RAD50: variants seen among roughly 807,000 people sequenced by gnomAD.
The protein encoded by RAD50 is DNA repair protein RAD50.
Under a neutral mutation model 168.8 loss-of-function variants are expected in RAD50, and 132 were observed. That is an observed-to-expected ratio of 0.78 (90% CI 0.68 to 0.90). RAD50 has a LOEUF of 0.90. Among genes scored for constraint, RAD50 ranks in the 40% least tolerant of loss-of-function variants. RAD50 has a pLI of 0.00. For missense variants in RAD50, 1,347 were observed against 1,534.4 expected (o/e 0.88, Z 2.04); for synonymous variants, 525 against 497.4 (o/e 1.06, Z -0.74).
At chr5:132,621,061 C>T (rs1751275628) in intron 21 of RAD50, among the ~76,000 whole-genome samples, 1 of 151,884 alleles carries the variant, frequency 6.6e-6, no homozygotes, top group Non-Finnish European at 1.5e-5. Context: ...GTTCAAGGAT[C>T]GGTTGTATTC....
Position 132,606,037 on chromosome 5 carries a change from G to A in RAD50, c.2718+1038G>A, listed in dbSNP as rs1010449157. Among the ~76,000 whole-genome samples, 34 of 152,104 alleles carry A rather than the reference G, an allele frequency of 2.2e-4. 1 individual carries two copies. The highest frequency in any genetic ancestry group is 7.7e-4 in the African/African-American group (32 of 41,500). On this transcript the variant is annotated intron_variant, in intron 16 of 24. Transcript: ENST00000378823. ...CCACAAGAGAAAGCAGGAAATAACTGAATTCAACACCTTAACATCAAAATT... is the reference window on the plus strand; with the variant it reads ...CCACAAGAGAAAGCAGGAAATAACTAAATTCAACACCTTAACATCAAAATT...
At chr5:132,594,605 C>G (rs1750756204) in intron 11 of RAD50, among the ~76,000 whole-genome samples, 1 of 152,140 alleles carries the variant, frequency 6.6e-6, no homozygotes, top group Non-Finnish European at 1.5e-5. Context: ...GATCAAAGAC[C>G]ATGAACCCCC....
chr5:132,581,847 A>C (rs1222166927), intron 5 of RAD50, among the ~76,000 whole-genome samples: 2 of 152,114 alleles, frequency 1.3e-5, no homozygotes. Context: ...AATTACCAAG[A>C]TATTAGAACA....
chr5:132,611,412 A>C (rs960351042), intron 19 of RAD50, among the ~76,000 whole-genome samples: 2 of 150,516 alleles, frequency 1.3e-5, no homozygotes, highest in African/African-American at 4.9e-5. Context: ...ACAAACAAAC[A>C]GAAACAAAAA....
intron 13 of RAD50, among the ~76,000 whole-genome samples, chr5:132,598,387 CGTT>C (rs1186381097): frequency 6.6e-6 from 1 of 152,160 alleles, no homozygotes; most frequent in African/African-American, 2.4e-5. Context: ...ATGTCTTACT[CGTT>C]GTATCTCCAC....
intron 2 of RAD50, among the ~76,000 whole-genome samples, chr5:132,564,801 C>T (rs1290445515): frequency 6.6e-6 from 1 of 151,994 alleles, no homozygotes; most frequent in Non-Finnish European, 1.5e-5. Flanking sequence ...TCAGCCACTC[C>T]AGCTCCAGCC....
intron 12 of RAD50, 66 bp downstream of exon 12, chr5:132,595,110 G>A (rs1750767421): frequency 6.7e-7 from 1 of 1,500,338 alleles, no homozygotes; most frequent in African/African-American, 1.4e-5. Context: ...ACAGGTAACT[G>A]TTAAGGATGG....
Position 132,644,541 on chromosome 5 carries a change from CATT to C in RAD50, c.*2181_*2183del, listed in dbSNP as rs1428090056. ...TAGGGTTGTTATGAAGATTGAATGA[CATT>C]ATTTACAAACTGCTTAGAACTGCTT... is the stretch of plus-strand genomic sequence containing the variant. On this transcript the variant is annotated 3_prime_UTR_variant, in exon 25 of 25. Transcript: ENST00000378823. 1.4e-4 allele frequency: 26 copies of C among 182,332 alleles called. No individual in the cohort carries two copies. The highest frequency in any genetic ancestry group is 4.9e-4 in the African/African-American group (21 of 42,602). The allele number at this position is 182,332 out of a possible 1,614,324, so 11.3% of individuals were successfully genotyped here. A position where few individuals can be genotyped will look rare whatever the true frequency, so the allele number is the denominator to read the frequency against.
chr5:132,625,904 C>CTTT (rs1263606191), intron 21 of RAD50, among the ~76,000 whole-genome samples: 1 of 145,570 alleles, frequency 6.9e-6, no homozygotes, highest in Non-Finnish European at 1.5e-5. Context: ...ATATGAACAA[C>CTTT]TTTTTTTTTT....
At chr5:132,639,340 C>T (rs949946487) in intron 23 of RAD50, among the ~76,000 whole-genome samples, 6 of 132,368 alleles carry the variant, frequency 4.5e-5, no homozygotes, top group South Asian at 2.3e-4. Context: ...GCAACAAGAG[C>T]GAAACTCCGT....
Position 132,618,067 on chromosome 5 carries a change from C to G in RAD50, c.3165-3C>G. The stretch of plus-strand genomic sequence containing the variant: ...CCTCATTTGTCATTTTTCTTTTTTA[C>G]AGTGAACATCAGAAGTTGGAAGAGA... On this transcript the variant is annotated splice_polypyrimidine_tract_variant and splice_region_variant and intron_variant, in intron 20 of 24. Coordinates refer to ENST00000378823, the MANE Select transcript of RAD50 (RefSeq NM_005732.4). 1.9e-6 allele frequency: 3 copies of G among 1,610,858 alleles called. No homozygotes were observed. Among genetic ancestry groups the G allele is most frequent in the Non-Finnish European group, 2.5e-6 (3 of 1,177,752 alleles).
intron 13 of RAD50, among the ~76,000 whole-genome samples, chr5:132,601,470 A>G (rs1315442652): frequency 6.6e-6 from 1 of 152,198 alleles, no homozygotes; most frequent in East Asian, 1.9e-4. Context: ...ATGCTTGGCC[A>G]TCATTATTAG....
intron 21 of RAD50, among the ~76,000 whole-genome samples, chr5:132,624,836 C>T (rs1751343433): frequency 7.0e-6 from 1 of 141,900 alleles, no homozygotes; most frequent in Non-Finnish European, 1.5e-5. Context: ...TGTGCCAGTG[C>T]ACTCCAGCGT....
chr5:132,595,606 A>G lies in RAD50; in HGVS notation c.2003A>G (p.Gln668Arg), dbSNP rs876660716. The change falls in exon 13 of 25, where the codon CAG (glutamine) becomes CGG (arginine). Residue 668 changes from glutamine (Q) to arginine (R), a missense_variant. Coordinates refer to ENST00000378823, the MANE Select transcript of RAD50 (RefSeq NM_005732.4). ...GCTGGAGCCACAGCAGTTTACTCCC[A>G]GTTCATTACTCAGCTAACAGACGAA... ...MLAGATAVYS[Q>R]FITQLTDENQ... 2 of 1,613,858 alleles carry G rather than the reference A, an allele frequency of 1.2e-6. No homozygotes were observed. Among genetic ancestry groups the G allele is most frequent in the South Asian group, 2.2e-5 (2 of 91,086 alleles).
At position 132,642,243 on chromosome 5, in the gene RAD50, T is replaced by TA. The variant is rs1751741029; in HGVS notation, c.3818_3819insA (p.Phe1273LeufsTer9). The TA allele has an allele frequency of 6.2e-7, 1 of 1,614,022 alleles. No individual in the cohort carries two copies. Among genetic ancestry groups the TA allele is most frequent in the Admixed American group, 1.7e-5 (1 of 60,004 alleles). On this transcript the variant is annotated frameshift_variant, in exon 25 of 25. Transcript: ENST00000378823. LOFTEE classifies it high-confidence loss of function. Reference sequence around the variant, plus strand: ...CTGGTAATCACTCATGATGAAGATTTTGTGGAGCTTTTAGGACGTTCTGAA... The same window carrying TA: ...CTGGTAATCACTCATGATGAAGATTTATGTGGAGCTTTTAGGACGTTCTGAA...
chr5:132,566,407 T>G (rs1303447070), intron 2 of RAD50, among the ~76,000 whole-genome samples: 1 of 152,240 alleles, frequency 6.6e-6, no homozygotes, highest in Non-Finnish European at 1.5e-5. Flanking sequence ...TTCAGCAGAA[T>G]GCTCTCCTTA....
chr5:132,640,410 A>T (rs1228401304), intron 23 of RAD50, among the ~76,000 whole-genome samples: 1 of 152,100 alleles, frequency 6.6e-6, no homozygotes, highest in Non-Finnish European at 1.5e-5. Context: ...AGCTGATGTA[A>T]TTTTTTATGT....
At chr5:132,616,320 T>C (rs996670974) in intron 20 of RAD50, among the ~76,000 whole-genome samples, 190 bp downstream of exon 20, 1 of 152,210 alleles carries the variant, frequency 6.6e-6, no homozygotes, top group African/African-American at 2.4e-5. Context: ...AGAAGTGATA[T>C]AGAATTGGTA....
At chr5:132,562,867 A>G (rs189139915) in intron 2 of RAD50, among the ~76,000 whole-genome samples, 1 of 152,356 alleles carries the variant, frequency 6.6e-6, no homozygotes, top group Non-Finnish European at 1.5e-5. Context: ...AGAAGCTAGT[A>G]AAAGAGCAAT....
Sources: allele counts gnomAD v4.1 joint callset (sites outside exome capture counted in the v4.1 genomes callset), GRCh38; gene constraint gnomAD v4.1.1; transcripts MANE v1.5; gene names NCBI Gene and HGNC (gene_info 2026-07-23, HGNC 2026-07-21).